Variants in AGXT observed in about 807,000 individuals in gnomAD.
AGXT encodes alanine--glyoxylate aminotransferase.
In AGXT, 41 loss-of-function variants were observed where a neutral mutation model predicts 46.9. The observed-to-expected ratio is 0.88, with a 90% CI of 0.68 to 1.14. AGXT has a LOEUF of 1.14. Ranked by LOEUF, AGXT falls within the 50% of genes most tolerant of loss-of-function variation. AGXT has a pLI of 0.00. For synonymous variants in AGXT, 244 were observed against 227.9 expected (o/e 1.07, Z -0.64); for missense variants, 525 against 522.7 (o/e 1.00, Z -0.04).
In AGXT at chr2:240,877,574, C is replaced by T. The variant is rs576584879; in HGVS notation, c.884C>T (p.Ala295Val). Reference protein sequence around the residue: ...ENSWRQHREAAAYLHGRLQAL... With the variant: ...ENSWRQHREAVAYLHGRLQAL... Reference sequence around the variant, plus strand: ...AGCTGGCGCCAGCACCGCGAGGCCGCGGCGTATCTGCATGGGCGCCTGCAG... The same window carrying T: ...AGCTGGCGCCAGCACCGCGAGGCCGTGGCGTATCTGCATGGGCGCCTGCAG... The change falls in exon 9 of 11, where the codon GCG becomes GTG. Residue 295 changes from alanine to valine, a missense_variant. By Grantham distance (64) the Ala-to-Val change is moderately conservative (BLOSUM62 0). Coordinates refer to ENST00000307503, the MANE Select transcript of AGXT (RefSeq NM_000030.3). 6.4e-6 allele frequency: 10 copies of T among 1,550,862 alleles called. No individual in the cohort carries two copies. Among genetic ancestry groups the T allele is most frequent in the Admixed American group, 5.9e-5 (3 of 50,996 alleles).
At chr2:240,870,798 G>T (rs1211587962) in intron 3 of AGXT, 90 bp downstream of exon 3, 16 of 1,322,012 alleles carry the variant, frequency 1.2e-5, no homozygotes, top group Non-Finnish European at 1.6e-5. Flanking sequence ...CAGCCAGCAG[G>T]GTGGGATCAT....
intron 2 of AGXT, 118 bp downstream of exon 2, chr2:240,869,480 C>A (rs1221579680): frequency 1.6e-6 from 2 of 1,255,980 alleles, no homozygotes; most frequent in Non-Finnish European, 2.1e-6. Context: ...CACCTTGTGG[C>A]CCTGTGCGCA....
chr2:240,877,360 TTCC>T, intron 8 of AGXT, 174 bp from the exon 9 acceptor site: 1 of 706,852 alleles, frequency 1.4e-6, no homozygotes, highest in Non-Finnish European at 2.6e-6. Flanking sequence ...ACCCAGATGT[TTCC>T]TTCTGCCCTG....
intron 2 of AGXT, 124 bp from the exon 3 acceptor site, chr2:240,870,519 GC>G: frequency 1.8e-6 from 2 of 1,142,510 alleles, no homozygotes; most frequent in Non-Finnish European, 2.5e-6. Flanking sequence ...CAGGCAGGCA[GC>G]CAGGGTGCCA....
At chr2:240,869,750 CA>C (rs1559568239) in intron 2 of AGXT, among the ~76,000 whole-genome samples, 1 of 152,234 alleles carries the variant, frequency 6.6e-6, no homozygotes, top group African/African-American at 2.4e-5. Context: ...AGCCTCCCCT[CA>C]AATCTCAGCA....
chr2:240,879,936 G>A lies in AGXT; in HGVS notation c.*1115G>A, dbSNP rs1050212023. 2.2e-4 allele frequency: 34 copies of A among 151,382 alleles called. No individual in the cohort carries two copies. The highest frequency in any genetic ancestry group is 9.9e-4 in the Admixed American group (15 of 15,224). The allele number at this position is 151,382 out of a possible 1,614,324, so 9.4% of individuals were successfully genotyped here. ...CGGTGTGTCTTTGTTGCTGAGTGCC[G>A]TCCCGTCATATGGACGTGCGTCGTG... On this transcript the variant is annotated 3_prime_UTR_variant, in exon 11 of 11. Transcript: ENST00000307503.
chr2:240,875,058 C>A, intron 6 of AGXT, 51 bp from the exon 7 acceptor site: 1 of 1,497,712 alleles, frequency 6.7e-7, no homozygotes, highest in Non-Finnish European at 9.3e-7. Context: ...ACTGCCCTGG[C>A]CTTCAGCCCA....
At chr2:240,877,857 G>T (rs2059035897) in intron 9 of AGXT, among the ~76,000 whole-genome samples, 165 bp from the exon 10 acceptor site, 1 of 152,182 alleles carries the variant, frequency 6.6e-6, no homozygotes, top group Non-Finnish European at 1.5e-5. Flanking sequence ...GTGGGAAGGT[G>T]CCCATCCACC....
chr2:240,869,132 G>T (rs766177814), intron 1 of AGXT, 38 bp from the exon 2 acceptor site: 1 of 1,596,544 alleles, frequency 6.3e-7, no homozygotes, highest in Non-Finnish European at 8.6e-7. Context: ...TTGGGGAGGC[G>T]GGGAGCCTGG....
chr2:240,876,506 C>T (rs772568993), intron 8 of AGXT, among the ~76,000 whole-genome samples: 5 of 152,180 alleles, frequency 3.3e-5, no homozygotes, highest in African/African-American at 1.2e-4. Flanking sequence ...AGGACACAGG[C>T]GGCTGAGAGT....
At chr2:240,869,443 G>GC in intron 2 of AGXT, 81 bp downstream of exon 2, 9 of 1,462,618 alleles carry the variant, frequency 6.2e-6, no homozygotes, top group Admixed American at 2.4e-5. Context: ...GAAGCTGGCA[G>GC]CCCCCGTTCC....
At position 240,869,353 on chromosome 2, in the gene AGXT, G is replaced by A. The variant is rs180177208; in HGVS notation, c.349G>A (p.Glu117Lys). ...IWGQRAVDIGERIGARVHPMT... is the reference protein window; with the variant it reads ...IWGQRAVDIGKRIGARVHPMT... Reference sequence around the variant, plus strand: ...GGGGCAGCGAGCCGTGGACATCGGGGAGCGCATAGGTAAGGGAGAGGCCCA... The same window carrying A: ...GGGGCAGCGAGCCGTGGACATCGGGAAGCGCATAGGTAAGGGAGAGGCCCA... Residue 117 changes from glutamate (E) to lysine (K), a missense_variant, in exon 2 of 11, where the codon GAG becomes AAG. By Grantham distance (56) the Glu-to-Lys change is moderately conservative. Transcript: ENST00000307503. 1.9e-6 allele frequency: 3 copies of A among 1,593,788 alleles called. No homozygotes were observed. The highest frequency in any genetic ancestry group is 3.4e-5 in the Admixed American group (2 of 59,242).
In AGXT at chr2:240,877,733, G is replaced by T; in HGVS notation, c.942+101G>T. 3.0e-6 allele frequency: 4 copies of T among 1,340,950 alleles called. No individual in the cohort carries two copies. The South Asian group carries it at 5.2e-5, about 17-fold the overall frequency. 83.1% of individuals were successfully genotyped at this position (1,340,950 alleles called of 1,614,324 possible). A position where few individuals can be genotyped will look rare whatever the true frequency, so the allele number is the denominator to read the frequency against. On this transcript the variant is annotated intron_variant, in intron 9 of 10. Coordinates refer to ENST00000307503, the MANE Select transcript of AGXT (RefSeq NM_000030.3). Reference sequence around the variant, plus strand: ...AGGGACACTGGCTCCTGAGAAGGAGGGGGCGGCTGCCCGGTGGTGTGGCCT... The same window carrying T: ...AGGGACACTGGCTCCTGAGAAGGAGTGGGCGGCTGCCCGGTGGTGTGGCCT...
At chr2:240,875,539 A>C (rs907355835) in intron 7 of AGXT, among the ~76,000 whole-genome samples, 3 of 152,226 alleles carry the variant, frequency 2.0e-5, no homozygotes, top group African/African-American at 7.2e-5. Flanking sequence ...ACCCCTTCTG[A>C]AAAGACGACC....
At position 240,873,052 on chromosome 2, in the gene AGXT, A is replaced by G. The variant is rs2059000460; in HGVS notation, c.595+3A>G. ...CCCCCTTTACATGGACCGGCAAGGT[A>G]AGGGTGGGCTCTGAGAGCCCTACCC... On this transcript the variant is annotated splice_donor_region_variant and intron_variant, in intron 5 of 10. Transcript: ENST00000307503. 6.2e-7 allele frequency: 1 copy of G among 1,613,438 alleles called. No homozygotes were observed. The highest frequency in any genetic ancestry group is 1.1e-5 in the South Asian group (1 of 91,068).
In AGXT at chr2:240,878,898, C is replaced by A; in HGVS notation, c.*77C>A. The A allele has an allele frequency of 7.2e-7, 1 of 1,395,636 alleles. No individual in the cohort carries two copies. Among genetic ancestry groups the A allele is most frequent in the Non-Finnish European group, 9.9e-7 (1 of 1,014,626 alleles). 86.5% of individuals were successfully genotyped at this position (1,395,636 alleles called of 1,614,324 possible). A position where few individuals can be genotyped will look rare whatever the true frequency, so the allele number is the denominator to read the frequency against. On this transcript the variant is annotated 3_prime_UTR_variant, in exon 11 of 11. Coordinates refer to ENST00000307503, the MANE Select transcript of AGXT (RefSeq NM_000030.3). Reference sequence around the variant, plus strand: ...CCTGAGGGATCAGGAGCAAACAGACCCTGCAAGGTCCTCCAGGCCTGGGGA... The same window carrying A: ...CCTGAGGGATCAGGAGCAAACAGACACTGCAAGGTCCTCCAGGCCTGGGGA...
At position 240,878,163 on chromosome 2, in the gene AGXT, G is replaced by T. The variant is rs758413374; in HGVS notation, c.1071+13G>T. On this transcript the variant is annotated intron_variant, in intron 10 of 10. Coordinates refer to ENST00000307503, the MANE Select transcript of AGXT (RefSeq NM_000030.3). Reference sequence around the variant, plus strand: ...CTCCACGGGGAAGGTGAGAGGGAGCGCCTCGAGGGCCTTTTGCAGAAACCA... The same window carrying T: ...CTCCACGGGGAAGGTGAGAGGGAGCTCCTCGAGGGCCTTTTGCAGAAACCA... 1 of 1,611,860 alleles carries T rather than the reference G, an allele frequency of 6.2e-7. No individual in the cohort carries two copies. Among genetic ancestry groups the T allele is most frequent in the Non-Finnish European group, 8.5e-7 (1 of 1,179,786 alleles).
Position 240,868,846 on chromosome 2 carries a change from C to T in AGXT, c.-20C>T, listed in dbSNP as rs372170207. 26 of 1,603,574 alleles carry T rather than the reference C, an allele frequency of 1.6e-5. No homozygotes were observed. Among genetic ancestry groups the T allele is most frequent in the Non-Finnish European group, 2.2e-5 (26 of 1,175,746 alleles). On this transcript the variant is annotated 5_prime_UTR_variant, in exon 1 of 11. Coordinates refer to ENST00000307503, the MANE Select transcript of AGXT (RefSeq NM_000030.3). ...GCCAGTGCAGCCCCAGGTTCCCGAG[C>T]GGCAGGTTGGGTGCGGACCATGGCC... is the stretch of plus-strand genomic sequence containing the variant.
Position 240,875,930 on chromosome 2 carries a change from T to G in AGXT, c.777-5T>G, listed in dbSNP as rs750340507. The G allele has an allele frequency of 5.6e-6, 9 of 1,614,164 alleles. No individual in the cohort carries two copies. Among genetic ancestry groups the G allele is most frequent in the Non-Finnish European group, 5.9e-6 (7 of 1,180,018 alleles). ...TGCTGGACCAAGCCCCCTCGTGTCTTCCAGGTACCATCACACAATCCCCGT... is the reference window on the plus strand; with the variant it reads ...TGCTGGACCAAGCCCCCTCGTGTCTGCCAGGTACCATCACACAATCCCCGT... On this transcript the variant is annotated splice_polypyrimidine_tract_variant and splice_region_variant and intron_variant, in intron 7 of 10. Coordinates refer to ENST00000307503, the MANE Select transcript of AGXT (RefSeq NM_000030.3).
Sources: gnomAD v4.1 joint callset for allele counts (sites outside exome capture counted in the v4.1 genomes callset) on GRCh38, gnomAD v4.1.1 for gene constraint, MANE v1.5 for transcripts, NCBI Gene and HGNC (gene_info 2026-07-23, HGNC 2026-07-21) for gene names.